The following EML4 variants were observed in gnomAD, a reference collection of about 807,000 sequenced individuals.
EML4 encodes echinoderm microtubule-associated protein-like 4.
EML4 carries 72 observed loss-of-function variants against 129.0 expected under a neutral mutation model. The ratio of observed to expected loss-of-function variants is 0.56; its 90% CI spans 0.46 to 0.68. The LOEUF (loss-of-function observed/expected upper bound fraction) is 0.68. Among genes scored for constraint, EML4 ranks in the 30% least tolerant of loss-of-function variants. EML4 has a pLI of 0.00. For synonymous variants in EML4, 532 were observed against 405.0 expected (o/e 1.31, Z -3.77); for missense variants, 1,363 against 1,190.6 (o/e 1.14, Z -2.13).
At position 42,208,967 on chromosome 2, in the gene EML4, C is replaced by T. The variant is rs77762331; in HGVS notation, c.26-36538C>T. On this transcript the variant is annotated intron_variant, in intron 1 of 22. Coordinates refer to ENST00000318522, the MANE Select transcript of EML4 (RefSeq NM_019063.5). ...TACAGTCTCTTTCCTCCCAAATTGT[C>T]TACTCCTAGCTTTTGTAGTAATCAC... Among the ~76,000 whole-genome samples the T allele has an allele frequency of 5.5e-3, 842 of 152,278 alleles. 5 individuals are homozygous for T. The highest frequency in any genetic ancestry group is 0.01 in the Non-Finnish European group (684 of 68,018).
At chr2:42,227,883 G>A (rs776273533) in intron 1 of EML4, among the ~76,000 whole-genome samples, 2 of 151,944 alleles carry the variant, frequency 1.3e-5, no homozygotes, top group Non-Finnish European at 2.9e-5. Context: ...TAAGGCTTCC[G>A]GTCAACCGCA....
At chr2:42,197,528 T>A (rs1277972337) in intron 1 of EML4, among the ~76,000 whole-genome samples, 5 of 151,518 alleles carry the variant, frequency 3.3e-5, no homozygotes, top group East Asian at 3.9e-4. Flanking sequence ...AGATTTTTTT[T>A]AAATGAAAAT....
Position 42,201,447 on chromosome 2 carries a change from T to C in EML4, c.25+31811T>C, listed in dbSNP as rs144151262. ...AGTTGAACATAAGTCTAATAGAACT[T>C]TAAAAAGTTAAAAGTATAACGCTTT... On this transcript the variant is annotated intron_variant, in intron 1 of 22. Coordinates refer to ENST00000318522, the MANE Select transcript of EML4 (RefSeq NM_019063.5). Among the ~76,000 whole-genome samples, 257 of 152,266 alleles carry C rather than the reference T, an allele frequency of 1.7e-3. 2 individuals are homozygous for C. The highest frequency in any genetic ancestry group is 2.0e-3 in the Non-Finnish European group (133 of 68,006).
Position 42,303,327 on chromosome 2 carries a change from G to T in EML4, c.1780G>T (p.Glu594Ter). The T allele has an allele frequency of 6.2e-7, 1 of 1,614,112 alleles. No homozygotes were observed. Among genetic ancestry groups the T allele is most frequent in the South Asian group, 1.1e-5 (1 of 91,054 alleles). The change falls in exon 16 of 23, where the codon GAG (glutamate) becomes TAG (stop). Residue 594 changes from glutamate to a stop codon, truncating the protein, a stop_gained. Transcript: ENST00000318522. LOFTEE classifies it high-confidence loss of function. Reference sequence around the variant, plus strand: ...CTTTCATTTTCAGGGTCATACAGATGAGCTTTGGGGTCTTGCCACACATCC... The same window carrying T: ...CTTTCATTTTCAGGGTCATACAGATTAGCTTTGGGGTCTTGCCACACATCC... ...FQIEVQGHTDELWGLATHPFK... is the reference protein window; with the variant it reads ...FQIEVQGHTD
At chr2:42,264,492 T>A (rs1183627045) in intron 5 of EML4, among the ~76,000 whole-genome samples, 1 of 152,232 alleles carries the variant, frequency 6.6e-6, no homozygotes, top group African/African-American at 2.4e-5. Flanking sequence ...ACTGTTTAGA[T>A]GCTCTTGTGG....
At chr2:42,214,599 A>G (rs902527944) in intron 1 of EML4, among the ~76,000 whole-genome samples, 5 of 152,204 alleles carry the variant, frequency 3.3e-5, no homozygotes, top group African/African-American at 1.2e-4. Context: ...TTTTGTTGTT[A>G]TATCCAGCAT....
chr2:42,291,919 A>G (rs1416371180), intron 11 of EML4, among the ~76,000 whole-genome samples: 1 of 152,222 alleles, frequency 6.6e-6, no homozygotes, highest in African/African-American at 2.4e-5. Flanking sequence ...AAAGAAATTC[A>G]AATTAAAACC....
intron 1 of EML4, among the ~76,000 whole-genome samples, chr2:42,206,772 A>G (rs1672573247): frequency 6.6e-6 from 1 of 152,192 alleles, no homozygotes; most frequent in African/African-American, 2.4e-5. Context: ...TTTTTGGTAA[A>G]TAGTAAAATT....
chr2:42,291,178 C>T (rs1204584276), intron 11 of EML4, among the ~76,000 whole-genome samples: 1 of 151,928 alleles, frequency 6.6e-6, no homozygotes, highest in Non-Finnish European at 1.5e-5. Context: ...TAATTGGATA[C>T]TCATATGAAA....
At chr2:42,224,451 T>G (rs373309837) in intron 1 of EML4, among the ~76,000 whole-genome samples, 4 of 152,162 alleles carry the variant, frequency 2.6e-5, no homozygotes, top group South Asian at 4.1e-4. Context: ...CTGTTCAACA[T>G]TTGATGGACA....
intron 18 of EML4, among the ~76,000 whole-genome samples, chr2:42,316,878 A>G (rs1669271837): frequency 6.6e-6 from 1 of 152,224 alleles, no homozygotes. Flanking sequence ...CAAAAATTTT[A>G]ACATTTTTCT....
intron 1 of EML4, among the ~76,000 whole-genome samples, chr2:42,211,802 G>A (rs745689918): frequency 6.6e-6 from 1 of 151,856 alleles, no homozygotes; most frequent in Non-Finnish European, 1.5e-5. Context: ...AGCAAACGTA[G>A]TATTTTCTTC....
intron 17 of EML4, among the ~76,000 whole-genome samples, chr2:42,311,670 T>A (rs961578235): frequency 7.2e-5 from 11 of 152,206 alleles, no homozygotes. Flanking sequence ...TCAGTCTGAA[T>A]TGGGATATTA....
At chr2:42,196,186 GAATT>G (rs1036199035) in intron 1 of EML4, among the ~76,000 whole-genome samples, 1 of 152,064 alleles carries the variant, frequency 6.6e-6, no homozygotes, top group Non-Finnish European at 1.5e-5. Flanking sequence ...ATTAATGAGT[GAATT>G]AATACATTCA....
At chr2:42,314,898 T>C (rs1669152542) in intron 17 of EML4, among the ~76,000 whole-genome samples, 1 of 152,232 alleles carries the variant, frequency 6.6e-6, no homozygotes, top group Non-Finnish European at 1.5e-5. Context: ...TGATTTATAA[T>C]GTAGTTGGAT....
At chr2:42,263,049 A>G (rs1315379126) in intron 4 of EML4, 129 bp from the exon 5 acceptor site, 7 of 735,420 alleles carry the variant, frequency 9.5e-6, no homozygotes, top group Non-Finnish European at 1.3e-5. Flanking sequence ...CAGTCTTTCA[A>G]CTAATCCTTC....
At chr2:42,265,616 C>G (rs955587892) in intron 6 of EML4, among the ~76,000 whole-genome samples, 3 of 152,048 alleles carry the variant, frequency 2.0e-5, no homozygotes, top group Non-Finnish European at 4.4e-5. Context: ...TACAGTATTA[C>G]AAAAAGGGAT....
At chr2:42,206,841 G>C (rs966009427) in intron 1 of EML4, among the ~76,000 whole-genome samples, 4 of 152,152 alleles carry the variant, frequency 2.6e-5, no homozygotes, top group South Asian at 2.1e-4. Flanking sequence ...CAGTAATCAA[G>C]ACAGTCCTGG....
chr2:42,268,878 G>A (rs1416758138), intron 6 of EML4, among the ~76,000 whole-genome samples: 1 of 152,144 alleles, frequency 6.6e-6, no homozygotes, highest in Non-Finnish European at 1.5e-5. Flanking sequence ...AACTAGGCCT[G>A]TTTAGATTTA....
Sources: allele counts gnomAD v4.1 joint callset (sites outside exome capture counted in the v4.1 genomes callset), GRCh38; gene constraint gnomAD v4.1.1; transcripts MANE v1.5; gene names NCBI Gene and HGNC (gene_info 2026-07-23, HGNC 2026-07-21).